The following CUZD1 variants were observed in gnomAD, a reference collection of about 807,000 sequenced individuals.
The protein encoded by CUZD1 is CUB and zona pellucida-like domain-containing protein 1.
In CUZD1, 42 loss-of-function variants were observed where a neutral mutation model predicts 53.1. The ratio of observed to expected loss-of-function variants is 0.79; its 90% CI spans 0.62 to 1.02. CUZD1 has a LOEUF of 1.02. CUZD1 is among the 50% of genes least tolerant of loss of function. The pLI, the probability that CUZD1 is intolerant of heterozygous loss-of-function variation, is 0.00. For synonymous variants in CUZD1, 238 were observed against 257.2 expected (o/e 0.93, Z 0.71); for missense variants, 670 against 715.7 (o/e 0.94, Z 0.73).
intron 1 of CUZD1, among the ~76,000 whole-genome samples, chr10:122,843,945 G>C (rs923781785): frequency 6.8e-6 from 1 of 147,118 alleles, no homozygotes; most frequent in South Asian, 2.1e-4. Flanking sequence ...TCTATATATA[G>C]AGACTATATA....
intron 2 of CUZD1, 51 bp downstream of exon 2, chr10:122,841,127 A>C: frequency 6.5e-7 from 1 of 1,546,466 alleles, no homozygotes; most frequent in Non-Finnish European, 8.8e-7. Flanking sequence ...ACCCACCCCA[A>C]TGTGGTCAGA....
chr10:122,842,001 T>A (rs1250003629), intron 1 of CUZD1, among the ~76,000 whole-genome samples: 2 of 152,184 alleles, frequency 1.3e-5, no homozygotes, highest in African/African-American at 2.4e-5. Context: ...GAGAGTTTTT[T>A]ATATATGCTG....
At chr10:122,837,085 A>G in intron 4 of CUZD1, 37 bp from the exon 5 acceptor site, 1 of 1,409,432 alleles carries the variant, frequency 7.1e-7, no homozygotes, top group Non-Finnish European at 9.8e-7. Context: ...AAGAGTTTCA[A>G]ACCAATTCAA....
At chr10:122,845,204 G>C (rs1370968233) in intron 1 of CUZD1, among the ~76,000 whole-genome samples, 1 of 151,928 alleles carries the variant, frequency 6.6e-6, no homozygotes, top group Admixed American at 6.6e-5. Flanking sequence ...AGCCTCCCGA[G>C]TAGCTGGGAC....
intron 7 of CUZD1, among the ~76,000 whole-genome samples, 190 bp from the exon 8 acceptor site, chr10:122,834,130 T>C (rs896845038): frequency 2.6e-5 from 4 of 152,218 alleles, no homozygotes; most frequent in African/African-American, 9.7e-5. Context: ...TTTCTAGCTC[T>C]AAAATTCCTG....
At chr10:122,845,072 G>C (rs1847414965) in intron 1 of CUZD1, among the ~76,000 whole-genome samples, 1 of 133,726 alleles carries the variant, frequency 7.5e-6, no homozygotes, top group Non-Finnish European at 1.6e-5. Context: ...TTATAGATCA[G>C]AGTCTTTTTT....
At position 122,834,899 on chromosome 10, in the gene CUZD1, T is replaced by C; in HGVS notation, c.1189A>G (p.Met397Val). 1 of 1,613,746 alleles carries C rather than the reference T, an allele frequency of 6.2e-7. No individual in the cohort carries two copies. Among genetic ancestry groups the C allele is most frequent in the Non-Finnish European group, 8.5e-7 (1 of 1,179,710 alleles). ...AATGAATTGGATTCAAAAAGAGCCA[T>C]GCTGGTGTTATATTTGCCCAGTGCA... is the stretch of plus-strand genomic sequence containing the variant. ...QNALGKYNTS[M>V]ALFESNSFEK... is the part of the protein sequence containing the mutation. The change falls in exon 7 of 9, where the codon ATG becomes GTG. Residue 397 changes from methionine (M) to valine (V), a missense_variant. Physicochemically the swap from Met to Val is conservative, Grantham distance 21. Coordinates refer to ENST00000392790, the MANE Select transcript of CUZD1 (RefSeq NM_022034.6).
chr10:122,845,047 T>C (rs1434921301), intron 1 of CUZD1, among the ~76,000 whole-genome samples: 1 of 151,892 alleles, frequency 6.6e-6, no homozygotes, highest in Non-Finnish European at 1.5e-5. Flanking sequence ...TCTCTTAATG[T>C]GGTCTATGGA....
chr10:122,841,031 T>A, intron 2 of CUZD1, 147 bp downstream of exon 2: 1 of 754,772 alleles, frequency 1.3e-6, no homozygotes, highest in Non-Finnish European at 2.1e-6. Flanking sequence ...TCAGCCATCA[T>A]CCTCATCACC....
chr10:122,833,948 A>G lies in CUZD1; in HGVS notation c.1383-8T>C, dbSNP rs773009308. 11 of 1,607,430 alleles carry G rather than the reference A, an allele frequency of 6.8e-6. No homozygotes were observed. Among genetic ancestry groups the G allele is most frequent in the Non-Finnish European group, 9.3e-6 (11 of 1,176,710 alleles). On this transcript the variant is annotated splice_polypyrimidine_tract_variant and splice_region_variant and intron_variant, in intron 7 of 8. Coordinates refer to ENST00000392790, the MANE Select transcript of CUZD1 (RefSeq NM_022034.6). ...GTTTCATCTCGACTACATCTGGAAC[A>G]GAATTTATGAACATGTTTAGAAGAT...
chr10:122,834,374 T>G (rs917120565), intron 7 of CUZD1, among the ~76,000 whole-genome samples: 4 of 152,220 alleles, frequency 2.6e-5, no homozygotes, highest in African/African-American at 9.6e-5. Flanking sequence ...TGAAATAATC[T>G]TCTAGATTTT....
chr10:122,841,186 G>T lies in CUZD1; in HGVS notation c.225C>A (p.Ser75=), dbSNP rs1847339522. ...PENKSIRIIF[S]YVQLDPDGSC... is the part of the protein sequence containing the mutation. The stretch of plus-strand genomic sequence containing the variant: ...CTAAAGCTTCTACTTACTGGACATA[G>T]GAAAAGATAATTCTGATGCTTTTGT... Residue 75 remains serine, a synonymous_variant, in exon 2 of 9, where the codon TCC becomes TCA. Coordinates refer to ENST00000392790, the MANE Select transcript of CUZD1 (RefSeq NM_022034.6). 6.2e-7 allele frequency: 1 copy of T among 1,612,808 alleles called. No homozygotes were observed. The highest frequency in any genetic ancestry group is 2.2e-5 in the East Asian group (1 of 44,878).
intron 1 of CUZD1, among the ~76,000 whole-genome samples, chr10:122,845,191 C>T (rs1847417287): frequency 6.6e-6 from 1 of 151,970 alleles, no homozygotes; most frequent in Non-Finnish European, 1.5e-5. Flanking sequence ...ATTCTCCTGC[C>T]TCAGCCTCCC....
At chr10:122,837,662 C>G in intron 3 of CUZD1, 108 bp from the exon 4 acceptor site, 1 of 1,092,178 alleles carries the variant, frequency 9.2e-7, no homozygotes, top group South Asian at 1.9e-5. Context: ...ATGATTCCAT[C>G]TCTATCTTTC....
intron 5 of CUZD1, 137 bp from the exon 6 acceptor site, chr10:122,836,487 G>T (rs1847253297): frequency 1.4e-6 from 1 of 739,876 alleles, no homozygotes; most frequent in Non-Finnish European, 2.1e-6. Flanking sequence ...ATAAATTTGA[G>T]ATAGCCAAGC....
intron 3 of CUZD1, among the ~76,000 whole-genome samples, chr10:122,838,564 A>G (rs1034955335): frequency 2.6e-5 from 4 of 152,232 alleles, no homozygotes; most frequent in Non-Finnish European, 5.9e-5. Flanking sequence ...CTTGTTAAAC[A>G]GGAAGGTTCA....
intron 4 of CUZD1, 27 bp downstream of exon 4, chr10:122,837,377 C>T: frequency 6.2e-7 from 1 of 1,613,134 alleles, no homozygotes; most frequent in South Asian, 1.1e-5. Context: ...TGCATTTGTT[C>T]CAACAGAATT....
intron 1 of CUZD1, among the ~76,000 whole-genome samples, chr10:122,842,541 T>C (rs1485556836): frequency 1.3e-5 from 2 of 152,242 alleles, no homozygotes; most frequent in Non-Finnish European, 2.9e-5. Flanking sequence ...GTAGGTAACA[T>C]GACTGTTCCA....
At chr10:122,844,542 G>A (rs1847403056) in intron 1 of CUZD1, among the ~76,000 whole-genome samples, 1 of 152,106 alleles carries the variant, frequency 6.6e-6, no homozygotes, top group Non-Finnish European at 1.5e-5. Flanking sequence ...AAAAATAACT[G>A]GATCCTAAAG....
Sources: allele counts gnomAD v4.1 joint callset (sites outside exome capture counted in the v4.1 genomes callset), GRCh38; gene constraint gnomAD v4.1.1; transcripts MANE v1.5; gene names NCBI Gene and HGNC (gene_info 2026-07-23, HGNC 2026-07-21).